The following ST3GAL2 variants were observed in gnomAD, a reference collection of about 807,000 sequenced individuals.
The protein encoded by ST3GAL2 is ST3 beta-galactoside alpha-2,3-sialyltransferase 2, also known as CMP-N-acetylneuraminate-beta-galactosamide-alpha-2,3-sialyltransferase 2.
ST3GAL2 carries 16 observed loss-of-function variants against 37.5 expected under a neutral mutation model. The observed-to-expected ratio is 0.43, with a 90% confidence interval of 0.29 to 0.65. The LOEUF (loss-of-function observed/expected upper bound fraction) is 0.65, where lower values mean the gene tolerates loss of function less well. Among genes scored for constraint, ST3GAL2 ranks in the 30% least tolerant of loss-of-function variants. The probability of loss-of-function intolerance (pLI) is 0.17; values close to 1 mark genes in which losing one functional copy is unlikely to be tolerated. For synonymous variants in ST3GAL2, 238 were observed against 202.9 expected (o/e 1.17, Z -1.47); for missense variants, 383 against 487.8 (o/e 0.79, Z 2.02).
At chr16:70,409,322 T>TTCTA (rs2047619163) in intron 1 of ST3GAL2, among the ~76,000 whole-genome samples, 1 of 151,864 alleles carries the variant, frequency 6.6e-6, no homozygotes, top group Non-Finnish European at 1.5e-5. Context: ...TCTCTCCACA[T>TTCTA]TCTAGCTAGC....
intron 3 of ST3GAL2, among the ~76,000 whole-genome samples, chr16:70,389,202 C>CAA (rs1160368910): frequency 0.012 from 332 of 27,374 alleles, 123 homozygotes; most frequent in Middle Eastern, 0.045. Flanking sequence ...CCCATCTCTA[C>CAA]AAAAAAAAAA....
chr16:70,389,737 T>C (rs2047469816), intron 3 of ST3GAL2, among the ~76,000 whole-genome samples: 1 of 152,170 alleles, frequency 6.6e-6, no homozygotes, highest in Non-Finnish European at 1.5e-5. Flanking sequence ...GTGCTGGGAT[T>C]ACAGGCGTGA....
At chr16:70,413,482 G>A (rs891454327) in intron 1 of ST3GAL2, among the ~76,000 whole-genome samples, 1 of 142,958 alleles carries the variant, frequency 7.0e-6, no homozygotes, top group East Asian at 2.0e-4. Flanking sequence ...TTGGGAGGCC[G>A]AAGCAGCCAG....
At position 70,436,572 on chromosome 16, in the gene ST3GAL2, C is replaced by A. The variant is rs535759254; in HGVS notation, c.-1004+2377G>T. Among the ~76,000 whole-genome samples, 4 of 151,900 alleles carry A rather than the reference C, an allele frequency of 2.6e-5. No homozygotes were observed. The South Asian group carries it at 6.2e-4, about 24-fold the overall frequency. On this transcript the variant is annotated intron_variant, in intron 1 of 6. Coordinates refer to ENST00000342907, the MANE Select transcript of ST3GAL2 (RefSeq NM_006927.4). ...AGCCCTAGGGAGCTGGAGAGAGATG[C>A]AAAATATAGGCTCCACCAAGATTAA...
intron 1 of ST3GAL2, among the ~76,000 whole-genome samples, chr16:70,401,883 A>G (rs771925328): frequency 6.6e-5 from 10 of 151,150 alleles, no homozygotes; most frequent in Non-Finnish European, 1.3e-4. Context: ...AATTCCAGCT[A>G]TGCAGGAGGC....
chr16:70,426,181 CTT>C (rs56342720), intron 1 of ST3GAL2, among the ~76,000 whole-genome samples: 6 of 99,490 alleles, frequency 6.0e-5, no homozygotes, highest in Admixed American at 1.4e-4. Flanking sequence ...GGGCCAAAGC[CTT>C]TTTTTTTTTT....
chr16:70,394,842 G>T, intron 3 of ST3GAL2, 140 bp downstream of exon 3: 1 of 915,484 alleles, frequency 1.1e-6, no homozygotes, highest in Non-Finnish European at 1.7e-6. Flanking sequence ...CTCCAAGCCT[G>T]CTGTGAAAGA....
At chr16:70,434,789 G>A (rs1470075750) in intron 1 of ST3GAL2, among the ~76,000 whole-genome samples, 1 of 152,206 alleles carries the variant, frequency 6.6e-6, no homozygotes, top group Admixed American at 6.5e-5. Context: ...CCACTCCGTT[G>A]GCACTGGAAT....
chr16:70,381,544 G>C lies in ST3GAL2; in HGVS notation c.*145C>G, dbSNP rs1168102707. 5.1e-6 allele frequency: 5 copies of C among 979,888 alleles called. No individual in the cohort carries two copies. The Admixed American group carries it at 1.2e-4, about 23-fold the overall frequency. The allele number at this position is 979,888 out of a possible 1,614,324, so 60.7% of individuals were successfully genotyped here. A position where few individuals can be genotyped will look rare whatever the true frequency, so the allele number is the denominator to read the frequency against. On this transcript the variant is annotated 3_prime_UTR_variant, in exon 7 of 7. Transcript: ENST00000342907. ...GCAGCGCAGATTGGTGCCAGGCCCG[G>C]CCGGTCCCCCAGTCTCGTGATTGGC...
chr16:70,433,029 G>A (rs772874347), intron 1 of ST3GAL2, among the ~76,000 whole-genome samples: 8 of 152,184 alleles, frequency 5.3e-5, no homozygotes, highest in Non-Finnish European at 8.8e-5. Flanking sequence ...CCGGGTGTGC[G>A]GTCAGCATAA....
rs768491019 is a variant in ST3GAL2 at position 70,407,146 on chromosome 16, CT to C, written c.-1003-7614del. Among the ~76,000 whole-genome samples, 783 of 139,764 alleles carry C rather than the reference CT, an allele frequency of 5.6e-3. 7 individuals are homozygous for C. Among genetic ancestry groups the C allele is most frequent in the African/African-American group, 0.013 (489 of 38,154 alleles). 91.7% of individuals were successfully genotyped at this position (139,764 alleles called of 152,430 possible). On this transcript the variant is annotated intron_variant, in intron 1 of 6. Coordinates refer to ENST00000342907, the MANE Select transcript of ST3GAL2 (RefSeq NM_006927.4). ...GGAGGTGGCAAGACAACACTATGGCCTTTTTTTTTTTTTTTATGGAGTCTCA... is the reference window on the plus strand; with the variant it reads ...GGAGGTGGCAAGACAACACTATGGCCTTTTTTTTTTTTTTATGGAGTCTCA...
chr16:70,387,978 G>A (rs761355264), intron 4 of ST3GAL2, among the ~76,000 whole-genome samples: 5 of 151,986 alleles, frequency 3.3e-5, no homozygotes, highest in East Asian at 1.9e-4. Flanking sequence ...CGGGCGTGGT[G>A]GTGCATCCCT....
At chr16:70,410,417 A>AT (rs922722722) in intron 1 of ST3GAL2, among the ~76,000 whole-genome samples, 9 of 148,154 alleles carry the variant, frequency 6.1e-5, no homozygotes, top group Non-Finnish European at 9.0e-5. Flanking sequence ...TGCCCGGCTA[A>AT]TTTTTTTTTG....
chr16:70,384,324 G>A (rs2047426842), intron 4 of ST3GAL2, among the ~76,000 whole-genome samples: 1 of 152,144 alleles, frequency 6.6e-6, no homozygotes, highest in African/African-American at 2.4e-5. Flanking sequence ...CTACAACACG[G>A]ATGAACTATG....
In ST3GAL2 at chr16:70,381,573, G is replaced by A. The variant is rs569341977; in HGVS notation, c.*116C>T. The A allele has an allele frequency of 6.9e-5, 88 of 1,279,540 alleles. No homozygotes were observed. The highest frequency in any genetic ancestry group is 8.4e-5 in the Non-Finnish European group (80 of 946,856). The allele number at this position is 1,279,540 out of a possible 1,614,324, so 79.3% of individuals were successfully genotyped here. ...GTCCCCCAGTCTCGTGATTGGCGGG[G>A]CACAGCAGACGCCCCTGGGCTGCAG... On this transcript the variant is annotated 3_prime_UTR_variant, in exon 7 of 7. Transcript: ENST00000342907.
At position 70,397,637 on chromosome 16, in the gene ST3GAL2, A is replaced by G. The variant is rs917165708; in HGVS notation, c.339+555T>C. ...GCTACTTGGGAGGCTGAGGCAGGAG[A>G]ATCACTTGAACCTGGGAGGCAGAAG... On this transcript the variant is annotated intron_variant, in intron 2 of 6. Coordinates refer to ENST00000342907, the MANE Select transcript of ST3GAL2 (RefSeq NM_006927.4). 9.2e-5 allele frequency among the ~76,000 whole-genome samples: 14 copies of G among 152,178 alleles called. 1 individual carries two copies. The highest frequency in any genetic ancestry group is 2.0e-4 in the Admixed American group (3 of 15,284).
intron 5 of ST3GAL2, 67 bp downstream of exon 5, chr16:70,383,123 C>A: frequency 6.3e-7 from 1 of 1,599,616 alleles, no homozygotes; most frequent in Non-Finnish European, 8.5e-7. Flanking sequence ...ACCTGAGCTA[C>A]AGGACCAGGC....
At chr16:70,394,902 C>G (rs2151661940) in intron 3 of ST3GAL2, 80 bp downstream of exon 3, 1 of 1,516,154 alleles carries the variant, frequency 6.6e-7, no homozygotes, top group South Asian at 1.2e-5. Flanking sequence ...AGCATGCACC[C>G]TGCCAGACAA....
At position 70,381,831 on chromosome 16, in the gene ST3GAL2, C is replaced by G; in HGVS notation, c.911G>C (p.Arg304Pro). 6.2e-7 allele frequency: 1 copy of G among 1,614,000 alleles called. No individual in the cohort carries two copies. The highest frequency in any genetic ancestry group is 8.5e-7 in the Non-Finnish European group (1 of 1,179,938). Residue 304 changes from arginine to proline, a missense_variant, in exon 7 of 7, where the codon CGG becomes CCG. Arg to Pro is a moderately radical substitution (Grantham distance 103, BLOSUM62 -2). Transcript: ENST00000342907. ...VNVYGFGADS[R>P]GNWHHYWENN... is the part of the protein sequence containing the mutation. The stretch of plus-strand genomic sequence containing the variant: ...CTCCCAGTAGTGGTGCCAGTTGCCC[C>G]GGCTGTCGGCCCCGAACCCGTACAC...
Sources: gnomAD v4.1 joint callset for allele counts (sites outside exome capture counted in the v4.1 genomes callset) on GRCh38, gnomAD v4.1.1 for gene constraint, MANE v1.5 for transcripts, NCBI Gene and HGNC (gene_info 2026-07-23, HGNC 2026-07-21) for gene names.